OSBP2: variants seen among roughly 807,000 people sequenced by gnomAD.
The protein encoded by OSBP2 is oxysterol binding protein 2.
Under a neutral mutation model 96.0 loss-of-function variants are expected in OSBP2, and 66 were observed. The observed-to-expected ratio is 0.69, with a 90% confidence interval of 0.56 to 0.84. The LOEUF (loss-of-function observed/expected upper bound fraction) is 0.84. Among genes scored for constraint, OSBP2 ranks in the 40% least tolerant of loss-of-function variants. The pLI is 0.00. For missense variants in OSBP2, 1,038 were observed against 1,222.7 expected, an observed-to-expected ratio of 0.85 and a Z score of 2.25; for synonymous variants, 525 against 520.9, an observed-to-expected ratio of 1.01 and a Z score of -0.11.
intron 3 of OSBP2, among the ~76,000 whole-genome samples, chr22:30,872,023 A>G (rs955462252): frequency 2.0e-5 from 3 of 152,096 alleles, no homozygotes; most frequent in Admixed American, 6.5e-5. Flanking sequence ...GCAGGTGCCC[A>G]CCCGCCTCAG....
At chr22:30,734,863 C>T (rs746110240) in intron 1 of OSBP2, among the ~76,000 whole-genome samples, 3 of 152,110 alleles carry the variant, frequency 2.0e-5, no homozygotes, top group African/African-American at 4.8e-5. Context: ...ATAATTCCTT[C>T]CAAATAATGT....
chr22:30,858,135 G>T (rs2413002), intron 2 of OSBP2, among the ~76,000 whole-genome samples: 1,534 of 85,806 alleles, frequency 0.018, 36 homozygotes, highest in African/African-American at 0.037. Flanking sequence ...TTTTTTGTTT[G>T]TTTGTTTGTT....
chr22:30,814,821 C>A (rs1182181907), intron 2 of OSBP2, among the ~76,000 whole-genome samples: 3 of 152,154 alleles, frequency 2.0e-5, no homozygotes, highest in Non-Finnish European at 4.4e-5. Context: ...ACATTTCAAC[C>A]CATTACAGGG....
At chr22:30,882,313 A>G (rs1169546552) in intron 3 of OSBP2, among the ~76,000 whole-genome samples, 1 of 152,164 alleles carries the variant, frequency 6.6e-6, no homozygotes, top group Admixed American at 6.6e-5. Context: ...CCCTGCCCTC[A>G]AGGGGCTCCC....
intron 2 of OSBP2, among the ~76,000 whole-genome samples, chr22:30,790,975 T>C (rs1037163120): frequency 2.0e-4 from 31 of 152,144 alleles, no homozygotes; most frequent in African/African-American, 7.5e-4. Flanking sequence ...TCTTTCATTT[T>C]TTATTTATTT....
intron 2 of OSBP2, among the ~76,000 whole-genome samples, chr22:30,830,993 C>A (rs1017710008): frequency 6.6e-6 from 1 of 152,180 alleles, no homozygotes; most frequent in Non-Finnish European, 1.5e-5. Context: ...CCTTTTCCTT[C>A]TGTTAGACAT....
At position 30,769,116 on chromosome 22, in the gene OSBP2, G is replaced by A. The variant is rs150005614; in HGVS notation, c.853+27747G>A. Among the ~76,000 whole-genome samples, 25 of 152,338 alleles carry A rather than the reference G, an allele frequency of 1.6e-4. No individual in the cohort carries two copies. The East Asian group carries it at 4.6e-3, about 28-fold the overall frequency. ...CTGGGCTACGGAACTAGAAAGCTGG[G>A]CTCTGAGGGGGCCCCTCGGTCAGTT... is the stretch of plus-strand genomic sequence containing the variant. On this transcript the variant is annotated intron_variant, in intron 2 of 13. Transcript: ENST00000332585.
rs137892535 is a variant in OSBP2 at position 30,733,592 on chromosome 22, C to T, written c.645-7569C>T. ...ACTCCCAAGCCCAAAAATGCAGGGGCGACTTGGCTTAAATGGAGGAGAGAG... is the reference window on the plus strand; with the variant it reads ...ACTCCCAAGCCCAAAAATGCAGGGGTGACTTGGCTTAAATGGAGGAGAGAG... On this transcript the variant is annotated intron_variant, in intron 1 of 13. Transcript: ENST00000332585. Among the ~76,000 whole-genome samples, 860 of 152,238 alleles carry T rather than the reference C, an allele frequency of 5.6e-3. 8 individuals are homozygous for T. The highest frequency in any genetic ancestry group is 0.02 in the African/African-American group (811 of 41,538).
At position 30,763,428 on chromosome 22, in the gene OSBP2, C is replaced by T. The variant is rs143009542; in HGVS notation, c.853+22059C>T. On this transcript the variant is annotated intron_variant, in intron 2 of 13. Coordinates refer to ENST00000332585, the MANE Select transcript of OSBP2 (RefSeq NM_030758.4). ...TTGGGAGGCTGAAGTGGACAGATCA[C>T]TTGAGGTCAGAAGTTCAAGACCAGC... 6.0e-3 allele frequency among the ~76,000 whole-genome samples: 914 copies of T among 152,254 alleles called. 8 individuals are homozygous for T. Among genetic ancestry groups the T allele is most frequent in the African/African-American group, 0.021 (863 of 41,558 alleles).
intron 2 of OSBP2, among the ~76,000 whole-genome samples, chr22:30,863,593 C>T (rs943493861): frequency 5.9e-5 from 9 of 152,152 alleles, no homozygotes; most frequent in African/African-American, 2.2e-4. Context: ...AGAGCAGTGA[C>T]CGCTTGAGGA....
chr22:30,783,683 C>T (rs1344532855), intron 2 of OSBP2, among the ~76,000 whole-genome samples: 1 of 152,104 alleles, frequency 6.6e-6, no homozygotes, highest in African/African-American at 2.4e-5. Context: ...CTATTGCTTC[C>T]CAAATCTGCC....
chr22:30,846,456 G>T (rs2038873366), intron 2 of OSBP2, among the ~76,000 whole-genome samples: 1 of 151,950 alleles, frequency 6.6e-6, no homozygotes, highest in Non-Finnish European at 1.5e-5. Context: ...CAGCCTGATT[G>T]TACTATTTAC....
intron 12 of OSBP2, chr22:30,902,126 GAAAAAAAAAAAACC>G (rs1416549090): frequency 3.5e-4 from 44 of 126,078 alleles, no homozygotes; most frequent in South Asian, 1.9e-3. Flanking sequence ...AAAAAAAAAC[GAAAAAAAAAAAACC>G]AAAAAAAAAA....
chr22:30,699,665 C>A (rs2089125414), intron 1 of OSBP2, among the ~76,000 whole-genome samples: 1 of 152,168 alleles, frequency 6.6e-6, no homozygotes, highest in Non-Finnish European at 1.5e-5. Flanking sequence ...ACCTTAATAG[C>A]AGAAGAGTGG....
At chr22:30,888,194 A>G (rs781373879) in intron 4 of OSBP2, 29 bp from the exon 5 acceptor site, 9 of 1,448,010 alleles carry the variant, frequency 6.2e-6, no homozygotes, top group South Asian at 2.3e-5. Context: ...TTGTGAGGTT[A>G]CAAATTAAAG....
At chr22:30,844,528 A>G (rs1049635456) in intron 2 of OSBP2, 1 of 157,374 alleles carries the variant, frequency 6.4e-6, no homozygotes, top group South Asian at 1.9e-4. Flanking sequence ...ACCAACCTCT[A>G]CTAGCTTCAG....
intron 2 of OSBP2, among the ~76,000 whole-genome samples, chr22:30,789,578 GA>G (rs1179034524): frequency 6.6e-6 from 1 of 152,104 alleles, no homozygotes; most frequent in Non-Finnish European, 1.5e-5. Context: ...ATAAAAATCA[GA>G]AAAAAACGGG....
chr22:30,820,394 A>AC (rs1323985713), intron 2 of OSBP2, among the ~76,000 whole-genome samples: 1 of 151,774 alleles, frequency 6.6e-6, no homozygotes, highest in African/African-American at 2.4e-5. Flanking sequence ...ATCTCTAAAA[A>AC]AAAAATAAAA....
chr22:30,797,814 A>G (rs136280), intron 2 of OSBP2, among the ~76,000 whole-genome samples: 28,993 of 151,908 alleles, frequency 0.19, 2,847 homozygotes, highest in Middle Eastern at 0.24. Context: ...GACTGGTCTC[A>G]AACTCCTGAG....
Sources: allele counts gnomAD v4.1 joint callset (sites outside exome capture counted in the v4.1 genomes callset), GRCh38; gene constraint gnomAD v4.1.1; transcripts MANE v1.5; gene names NCBI Gene and HGNC (gene_info 2026-07-23, HGNC 2026-07-21).